RTN1: variants seen among roughly 807,000 people sequenced by gnomAD.
RTN1 encodes reticulon 1, also known as reticulon-1.
In RTN1, 25 loss-of-function variants were observed where a neutral mutation model predicts 65.5. That is an observed-to-expected ratio of 0.38 (90% CI 0.28 to 0.53). RTN1 has a LOEUF of 0.53. Among genes scored for constraint, RTN1 ranks in the 20% least tolerant of loss-of-function variants. The probability of loss-of-function intolerance (pLI) is 0.79; values close to 1 mark genes in which losing one functional copy is unlikely to be tolerated. For missense variants in RTN1, 983 were observed against 1,025.4 expected, an observed-to-expected ratio of 0.96 and a Z score of 0.57; for synonymous variants, 471 against 447.6, an observed-to-expected ratio of 1.05 and a Z score of -0.66.
At chr14:59,674,961 G>A (rs1241862740) in intron 3 of RTN1, among the ~76,000 whole-genome samples, 2 of 151,860 alleles carry the variant, frequency 1.3e-5, no homozygotes, top group African/African-American at 4.8e-5. Context: ...TGCATATTGG[G>A]GCCAGCACCT....
chr14:59,609,654 G>C (rs1881884266), intron 3 of RTN1, among the ~76,000 whole-genome samples: 1 of 152,186 alleles, frequency 6.6e-6, no homozygotes, highest in Admixed American at 6.5e-5. Flanking sequence ...CTAAAGCCAA[G>C]GCAGCAGGGC....
At position 59,725,760 on chromosome 14, in the gene RTN1, G is replaced by T. The variant is rs375340048; in HGVS notation, c.1765+1159C>A. On this transcript the variant is annotated intron_variant, in intron 3 of 8. Coordinates refer to ENST00000267484, the MANE Select transcript of RTN1 (RefSeq NM_021136.3). ...TCTATTCCAATGTGTTAATTTTAAA[G>T]AATTTAGCAGCTAGCTTCCAATTTA... Among the ~76,000 whole-genome samples, 401 of 152,260 alleles carry T rather than the reference G, an allele frequency of 2.6e-3. 1 individual carries two copies. The highest frequency in any genetic ancestry group is 9.3e-3 in the African/African-American group (385 of 41,560).
At chr14:59,705,943 C>T (rs1884282694) in intron 3 of RTN1, among the ~76,000 whole-genome samples, 1 of 152,142 alleles carries the variant, frequency 6.6e-6, no homozygotes, top group African/African-American at 2.4e-5. Context: ...TCCCCGTTCA[C>T]CCCCAGCTTT....
At chr14:59,772,433 A>G (rs1885975850) in intron 1 of RTN1, among the ~76,000 whole-genome samples, 1 of 151,974 alleles carries the variant, frequency 6.6e-6, no homozygotes, top group South Asian at 2.1e-4. Flanking sequence ...CTATTAGGTA[A>G]TTTGAGTGCT....
intron 1 of RTN1, among the ~76,000 whole-genome samples, chr14:59,826,672 T>C (rs117012640): frequency 6.5e-4 from 99 of 152,326 alleles, no homozygotes; most frequent in Non-Finnish European, 1.3e-3. Flanking sequence ...ATTCAAACTT[T>C]AAATATGAAG....
chr14:59,732,337 C>A (rs142427778), intron 2 of RTN1, among the ~76,000 whole-genome samples: 177 of 152,332 alleles, frequency 1.2e-3, no homozygotes, highest in African/African-American at 4.1e-3. Flanking sequence ...CGAATAGAAT[C>A]AGCTTCGGTC....
In RTN1 at chr14:59,607,473, C is replaced by T; in HGVS notation, c.1785G>A (p.Trp595Ter). ...NKQKAIDLLY[W>*]RDIKQTGIVF... ...CGATGCCCGTCTGCTTGATGTCCCG[C>T]CAATACAACAGGTCAATAGCTGCAG... Residue 595 changes from tryptophan to a stop codon, truncating the protein, a stop_gained, in exon 4 of 9, where the codon TGG (tryptophan) becomes TGA (stop). Transcript: ENST00000267484. LOFTEE classifies it high-confidence loss of function. The T allele has an allele frequency of 6.2e-7, 1 of 1,608,974 alleles. No individual in the cohort carries two copies. The highest frequency in any genetic ancestry group is 8.5e-7 in the Non-Finnish European group (1 of 1,177,520).
At chr14:59,638,034 TAG>T (rs1300568938) in intron 3 of RTN1, among the ~76,000 whole-genome samples, 1 of 152,068 alleles carries the variant, frequency 6.6e-6, no homozygotes, top group Admixed American at 6.5e-5. Flanking sequence ...GTATTTTTAG[TAG>T]AGACAGGGTT....
chr14:59,779,506 C>G (rs1370501391), intron 1 of RTN1, among the ~76,000 whole-genome samples: 1 of 151,782 alleles, frequency 6.6e-6, no homozygotes, highest in Non-Finnish European at 1.5e-5. Context: ...TCCAATGAAC[C>G]AAATCTCCAT....
chr14:59,723,883 G>A (rs1884700953), intron 3 of RTN1, among the ~76,000 whole-genome samples: 3 of 152,126 alleles, frequency 2.0e-5, no homozygotes, highest in African/African-American at 7.2e-5. Context: ...CCCAACAGGT[G>A]TCCCCCTGGA....
At chr14:59,752,417 C>T (rs1343870677) in intron 1 of RTN1, among the ~76,000 whole-genome samples, 1 of 151,900 alleles carries the variant, frequency 6.6e-6, no homozygotes, top group Non-Finnish European at 1.5e-5. Context: ...GCCCTTGTAG[C>T]TTAATCACCT....
At chr14:59,630,010 G>A (rs1882500527) in intron 3 of RTN1, among the ~76,000 whole-genome samples, 1 of 152,142 alleles carries the variant, frequency 6.6e-6, no homozygotes, top group South Asian at 2.1e-4. Context: ...CCTCTTAAAA[G>A]GATGCACTCC....
intron 4 of RTN1, 69 bp from the exon 5 acceptor site, chr14:59,605,575 T>A: frequency 6.5e-7 from 1 of 1,539,532 alleles, no homozygotes. Flanking sequence ...CGAACCCCAG[T>A]AACAGCTAAG....
At chr14:59,771,467 A>C (rs1885957407) in intron 1 of RTN1, among the ~76,000 whole-genome samples, 1 of 152,256 alleles carries the variant, frequency 6.6e-6, no homozygotes, top group Admixed American at 6.5e-5. Flanking sequence ...CCACAGAGGT[A>C]TGTGAATCAT....
chr14:59,610,887 T>C (rs1594629764), intron 3 of RTN1, among the ~76,000 whole-genome samples: 1 of 152,250 alleles, frequency 6.6e-6, no homozygotes, highest in South Asian at 2.1e-4. Context: ...CCCACTCAGA[T>C]CAATAAACAG....
At chr14:59,671,614 T>C (rs930681884) in intron 3 of RTN1, among the ~76,000 whole-genome samples, 3 of 152,162 alleles carry the variant, frequency 2.0e-5, no homozygotes, top group African/African-American at 7.2e-5. Context: ...CCCTCAGTGG[T>C]AGAATCAAGT....
chr14:59,667,038 G>A (rs887310791), intron 3 of RTN1, among the ~76,000 whole-genome samples: 3 of 150,272 alleles, frequency 2.0e-5, no homozygotes, highest in African/African-American at 7.4e-5. Flanking sequence ...GTACAAAGAG[G>A]AGCTGGTACC....
At chr14:59,767,211 G>A (rs1885866498) in intron 1 of RTN1, among the ~76,000 whole-genome samples, 1 of 152,172 alleles carries the variant, frequency 6.6e-6, no homozygotes, top group East Asian at 1.9e-4. Context: ...CTTCCCCTAG[G>A]TGTGGACATG....
At chr14:59,626,033 A>G (rs1201160185) in intron 3 of RTN1, among the ~76,000 whole-genome samples, 1 of 152,208 alleles carries the variant, frequency 6.6e-6, no homozygotes, top group Non-Finnish European at 1.5e-5. Flanking sequence ...TAATATTTGT[A>G]TAATACTTTA....
Sources: allele counts gnomAD v4.1 joint callset (sites outside exome capture counted in the v4.1 genomes callset), GRCh38; gene constraint gnomAD v4.1.1; transcripts MANE v1.5; gene names NCBI Gene and HGNC (gene_info 2026-07-23, HGNC 2026-07-21).